TP73: variants seen among roughly 807,000 people sequenced by gnomAD.
The protein encoded by TP73 is tumor protein p73.
In TP73, 25 loss-of-function variants were observed where a neutral mutation model predicts 62.5. The observed-to-expected ratio is 0.40, with a 90% CI of 0.29 to 0.56. The LOEUF (loss-of-function observed/expected upper bound fraction) is 0.56, where lower values mean the gene tolerates loss of function less well. Ranked by LOEUF, TP73 falls within the 20% of genes least tolerant of loss-of-function variation. The probability of loss-of-function intolerance (pLI) is 0.46; values close to 1 mark genes in which losing one functional copy is unlikely to be tolerated. For missense variants in TP73, 754 were observed against 913.3 expected (o/e 0.83, Z 2.25); for synonymous variants, 423 against 377.5 (o/e 1.12, Z -1.40).
intron 5 of TP73, among the ~76,000 whole-genome samples, chr1:3,722,562 G>C (rs1440341049): frequency 1.3e-5 from 2 of 152,176 alleles, no homozygotes; most frequent in Non-Finnish European, 2.9e-5. Context: ...CACTGGGCAG[G>C]CACCCCCAGA....
chr1:3,664,155 GC>G (rs1174497712), intron 1 of TP73, among the ~76,000 whole-genome samples: 1 of 152,226 alleles, frequency 6.6e-6, no homozygotes, highest in African/African-American at 2.4e-5. Flanking sequence ...CTGGGCACGG[GC>G]CCCTGGGCAT....
chr1:3,706,646 T>C (rs1639679690), intron 3 of TP73, among the ~76,000 whole-genome samples: 1 of 152,062 alleles, frequency 6.6e-6, no homozygotes, highest in African/African-American at 2.4e-5. Flanking sequence ...GCCCACCAAG[T>C]GAGGTCTGCC....
chr1:3,720,592 C>T (rs1223818981), intron 4 of TP73, among the ~76,000 whole-genome samples: 2 of 152,262 alleles, frequency 1.3e-5, no homozygotes, highest in Admixed American at 1.3e-4. Flanking sequence ...GGAACAAGGG[C>T]ACTCAGGGTG....
At chr1:3,698,593 G>A (rs1418928220) in intron 3 of TP73, among the ~76,000 whole-genome samples, 4 of 152,172 alleles carry the variant, frequency 2.6e-5, no homozygotes, top group African/African-American at 4.8e-5. Context: ...GCTGAGGGAC[G>A]TGGAGAAGGG....
At chr1:3,728,470 T>C (rs530699446) in intron 9 of TP73, among the ~76,000 whole-genome samples, 1 of 152,214 alleles carries the variant, frequency 6.6e-6, no homozygotes, top group African/African-American at 2.4e-5. Flanking sequence ...AATGAAGCCA[T>C]GTGTACATAG....
chr1:3,691,489 G>C (rs1254079253), intron 3 of TP73, among the ~76,000 whole-genome samples: 1 of 152,170 alleles, frequency 6.6e-6, no homozygotes, highest in African/African-American at 2.4e-5. Context: ...TCCAGGGCCA[G>C]GACCTGTGGC....
intron 3 of TP73, among the ~76,000 whole-genome samples, chr1:3,688,524 G>A (rs563609567): frequency 2.8e-4 from 43 of 152,246 alleles, no homozygotes; most frequent in African/African-American, 8.7e-4. Context: ...AAAGTCAGGC[G>A]GAATCCCCGG....
intron 3 of TP73, among the ~76,000 whole-genome samples, chr1:3,688,615 G>A (rs1031763908): frequency 6.6e-6 from 1 of 152,210 alleles, no homozygotes; most frequent in Non-Finnish European, 1.5e-5. Context: ...CCACGCCAAG[G>A]GGGTGTGGCC....
intron 4 of TP73, among the ~76,000 whole-genome samples, chr1:3,710,560 T>C (rs1158533607): frequency 6.6e-6 from 1 of 152,064 alleles, no homozygotes; most frequent in Non-Finnish European, 1.5e-5. Context: ...TGATAGATAA[T>C]TCATATTTTT....
Position 3,707,760 on chromosome 1 carries a change from A to C in TP73, c.398A>C (p.Gln133Pro), listed in dbSNP as rs1326011770. The C allele has an allele frequency of 1.2e-6, 2 of 1,613,026 alleles. No homozygotes were observed. Among genetic ancestry groups the C allele is most frequent in the East Asian group, 4.5e-5 (2 of 44,874 alleles). Residue 133 changes from glutamine (Q) to proline (P), a missense_variant, in exon 4 of 14, where the codon CAG becomes CCG. This residue lies in a region of TP73 where 235 missense variants were observed against 251.4 expected (regional missense o/e 0.93). Transcript: ENST00000378295. ...GPHHFEVTFQ[Q>P]SSTAKSATWT... ...CACCACTTTGAGGTCACTTTCCAGC[A>C]GTCCAGCACGGCCAAGTCAGCCACC...
At chr1:3,674,293 G>C (rs1016295837) in intron 1 of TP73, among the ~76,000 whole-genome samples, 1 of 152,218 alleles carries the variant, frequency 6.6e-6, no homozygotes, top group Non-Finnish European at 1.5e-5. Flanking sequence ...CTTCCCGTGG[G>C]CCACGGCCCA....
chr1:3,690,953 G>A (rs771579228), intron 3 of TP73: 4 of 1,577,580 alleles, frequency 2.5e-6, no homozygotes, highest in Non-Finnish European at 2.6e-6. Context: ...CGGTAGGTGT[G>A]ACGCGCCATT....
At chr1:3,677,130 C>A (rs951860617) in intron 1 of TP73, among the ~76,000 whole-genome samples, 1 of 152,148 alleles carries the variant, frequency 6.6e-6, no homozygotes. Context: ...CCCTCCCCAG[C>A]CCACCTGTGC....
intron 4 of TP73, among the ~76,000 whole-genome samples, chr1:3,708,948 C>T (rs192763251): frequency 2.6e-5 from 4 of 152,240 alleles, no homozygotes; most frequent in African/African-American, 9.6e-5. Flanking sequence ...ATTCCCACCC[C>T]CTGTCGGGAG....
chr1:3,656,474 A>G (rs755872122), intron 1 of TP73, among the ~76,000 whole-genome samples: 8 of 152,228 alleles, frequency 5.3e-5, no homozygotes, highest in Non-Finnish European at 7.3e-5. Context: ...GTGAGCTGGT[A>G]CTTGGCTAAA....
At chr1:3,708,400 T>C (rs1284166876) in intron 4 of TP73, 1 of 157,104 alleles carries the variant, frequency 6.4e-6, no homozygotes, top group African/African-American at 2.4e-5. Context: ...TCTGATAACA[T>C]CACCTGTGCA....
intron 6 of TP73, among the ~76,000 whole-genome samples, chr1:3,723,868 A>T (rs1641299139): frequency 6.6e-6 from 1 of 152,132 alleles, no homozygotes; most frequent in Non-Finnish European, 1.5e-5. Context: ...GGGCAGAACC[A>T]AACCAGCAAC....
At chr1:3,724,082 C>T (rs914401492) in intron 6 of TP73, among the ~76,000 whole-genome samples, 9 of 151,562 alleles carry the variant, frequency 5.9e-5, no homozygotes, top group East Asian at 5.8e-4. Flanking sequence ...GGAGGGGACA[C>T]GGAGAGGCTG....
At chr1:3,688,751 C>T (rs546988252) in intron 3 of TP73, among the ~76,000 whole-genome samples, 56 of 152,260 alleles carry the variant, frequency 3.7e-4, no homozygotes, top group Non-Finnish European at 7.4e-4. Flanking sequence ...GTAGCTCAGC[C>T]GCACTGGGAT....
Sources: allele counts gnomAD v4.1 joint callset (sites outside exome capture counted in the v4.1 genomes callset), GRCh38; gene constraint gnomAD v4.1.1; regional missense constraint gnomAD v4.1.1; transcripts MANE v1.5; gene names NCBI Gene and HGNC (gene_info 2026-07-23, HGNC 2026-07-21).